The following GARS1 variants were observed in gnomAD, a reference collection of about 807,000 sequenced individuals.
GARS1 encodes the protein glycyl-tRNA synthetase 1, also known as glycine--tRNA ligase.
In GARS1, 46 loss-of-function variants were observed where a neutral mutation model predicts 86.4. That is an observed-to-expected ratio of 0.53 (90% confidence interval 0.42 to 0.68). GARS1 has a LOEUF of 0.68. Among genes scored for constraint, GARS1 ranks in the 30% least tolerant of loss-of-function variants. GARS1 has a pLI of 0.00. For missense variants in GARS1, 797 were observed against 915.6 expected, an observed-to-expected ratio of 0.87 and a Z score of 1.67; for synonymous variants, 342 against 329.8, an observed-to-expected ratio of 1.04 and a Z score of -0.40.
At chr7:30,622,031 A>G in intron 11 of GARS1, 1 of 442,732 alleles carries the variant, frequency 2.3e-6, no homozygotes, top group Non-Finnish European at 4.2e-6. Context: ...AGAAATACTT[A>G]TCAGAAGTTC....
chr7:30,604,394 A>C (rs1314583983), intron 6 of GARS1, among the ~76,000 whole-genome samples: 1 of 152,144 alleles, frequency 6.6e-6, no homozygotes, highest in Non-Finnish European at 1.5e-5. Flanking sequence ...AAAACAAAAA[A>C]CCAATACTGT....
chr7:30,620,302 C>A (rs1278709745), intron 10 of GARS1, among the ~76,000 whole-genome samples: 2 of 152,124 alleles, frequency 1.3e-5, no homozygotes, highest in African/African-American at 4.8e-5. Context: ...ACATTGATTT[C>A]TCACCGTTCT....
At chr7:30,610,573 G>A (rs1400382784) in intron 7 of GARS1, among the ~76,000 whole-genome samples, 2 of 152,218 alleles carry the variant, frequency 1.3e-5, no homozygotes, top group African/African-American at 2.4e-5. Flanking sequence ...TGAGACATCA[G>A]GTTGATTTGG....
intron 10 of GARS1, among the ~76,000 whole-genome samples, chr7:30,619,724 C>A (rs1386616076): frequency 6.6e-6 from 1 of 151,346 alleles, no homozygotes; most frequent in South Asian, 2.1e-4. Context: ...TTATTACAGA[C>A]ACCCCATGTG....
chr7:30,633,170 G>A (rs1783271862), intron 16 of GARS1, among the ~76,000 whole-genome samples: 1 of 152,226 alleles, frequency 6.6e-6, no homozygotes, highest in African/African-American at 2.4e-5. Context: ...CCATCTGGGT[G>A]TGGTTCTCAA....
At chr7:30,608,709 T>G (rs564220913) in intron 6 of GARS1, among the ~76,000 whole-genome samples, 2 of 152,320 alleles carry the variant, frequency 1.3e-5, no homozygotes, top group Admixed American at 6.5e-5. Flanking sequence ...TGCTAAATAC[T>G]TTACATGTTT....
At chr7:30,626,479 A>T (rs931142037) in intron 13 of GARS1, among the ~76,000 whole-genome samples, 160 bp downstream of exon 13, 2 of 152,194 alleles carry the variant, frequency 1.3e-5, no homozygotes, top group African/African-American at 4.8e-5. Context: ...CCTCCGAATT[A>T]GCTGGGACTA....
chr7:30,619,873 G>C (rs1409804772), intron 10 of GARS1, among the ~76,000 whole-genome samples: 2 of 150,626 alleles, frequency 1.3e-5, no homozygotes, highest in Non-Finnish European at 3.0e-5. Context: ...TGCCTCCTGG[G>C]TTCAAGCGAT....
At chr7:30,602,970 T>C in intron 4 of GARS1, 64 bp from the exon 5 acceptor site, 2 of 1,063,308 alleles carry the variant, frequency 1.9e-6, no homozygotes, top group Non-Finnish European at 2.9e-6. Flanking sequence ...AATTATCTTA[T>C]AAGGTAATAT....
intron 12 of GARS1, among the ~76,000 whole-genome samples, chr7:30,622,974 G>T (rs886328372): frequency 1.3e-5 from 2 of 151,868 alleles, no homozygotes; most frequent in Admixed American, 1.3e-4. Context: ...GGTGGCGGGC[G>T]CCTGTAGTCC....
In GARS1 at chr7:30,599,982, C is replaced by G; in HGVS notation, c.360C>G (p.Asp120Glu). The G allele has an allele frequency of 1.2e-6, 2 of 1,610,072 alleles. No homozygotes were observed. Among genetic ancestry groups the G allele is most frequent in the South Asian group, 1.1e-5 (1 of 91,034 alleles). The change falls in exon 3 of 17, where the codon GAC becomes GAG. Residue 120 changes from aspartate to glutamate, a missense_variant. Around this residue, in one of 2 missense-constraint regions of GARS1, gnomAD observed 199 missense variants for 176.9 expected, o/e 1.12. Transcript: ENST00000389266. ...TACAGCCCAAAGATGATATTGTAGA[C>G]CGAGCAAAAATGGAAGATACCCTGA... Reference protein sequence around the residue: ...LALQPKDDIVDRAKMEDTLKR... With the variant: ...LALQPKDDIVERAKMEDTLKR...
At chr7:30,628,973 G>C (rs1273519781) in intron 14 of GARS1, among the ~76,000 whole-genome samples, 1 of 152,160 alleles carries the variant, frequency 6.6e-6, no homozygotes, top group Non-Finnish European at 1.5e-5. Flanking sequence ...GTACTTTCTG[G>C]ATATGCTGTG....
In GARS1 at chr7:30,632,871, T is replaced by G. The variant is rs1783264568; in HGVS notation, c.2094+434T>G. On this transcript the variant is annotated intron_variant, in intron 16 of 16. Transcript: ENST00000389266. The surrounding 1 kb of genome is among the most constrained non-coding windows in gnomAD (Gnocchi z 4.1). ...ACAGTGAATCATGTTTCAGTAGTTT[T>G]GGTCAATAGGAAGGCAGTAATGGAG... Among the ~76,000 whole-genome samples the G allele has an allele frequency of 1.3e-5, 2 of 152,240 alleles. No homozygotes were observed. The highest frequency in any genetic ancestry group is 4.1e-4 in the South Asian group (2 of 4,830).
At chr7:30,605,936 G>C (rs1584028829) in intron 6 of GARS1, among the ~76,000 whole-genome samples, 1 of 152,092 alleles carries the variant, frequency 6.6e-6, no homozygotes, top group African/African-American at 2.4e-5. Flanking sequence ...CTTTGTGATA[G>C]GTTGATATGT....
intron 8 of GARS1, among the ~76,000 whole-genome samples, chr7:30,613,860 G>T (rs1211068032): frequency 3.3e-5 from 5 of 152,190 alleles, no homozygotes; most frequent in Admixed American, 2.6e-4. Flanking sequence ...CTTGATGGCA[G>T]AGTTCTCTGG....
Position 30,632,415 on chromosome 7 carries a change from CAA to C in GARS1, c.2073_2074del (p.Met692AlafsTer9), listed in dbSNP as rs1783255607. On this transcript the variant is annotated frameshift_variant, in exon 16 of 17. Transcript: ENST00000389266. LOFTEE classifies it high-confidence loss of function. This position sits in a 1 kb window ranked among gnomAD's most constrained non-coding sequence, Gnocchi z 4.1. ...ACTGCAACTCTGAGGGACCGTGACT[CAA>C]TGCGGCAGATAAGAGCAGAGGTATC... The C allele has an allele frequency of 1.9e-6, 3 of 1,614,048 alleles. No individual in the cohort carries two copies. Among genetic ancestry groups the C allele is most frequent in the African/African-American group, 1.3e-5 (1 of 74,930 alleles).
intron 7 of GARS1, among the ~76,000 whole-genome samples, chr7:30,611,447 A>AT (rs1791595980): frequency 6.6e-6 from 1 of 152,202 alleles, no homozygotes; most frequent in Non-Finnish European, 1.5e-5. Context: ...CTTAGAAGAC[A>AT]TCAGGGGTTT....
chr7:30,631,451 T>G lies in GARS1; in HGVS notation c.1813T>G (p.Phe605Val). ...TTTTTCTTTTTAAATCATCCAGTTC[T>G]TCAGTTTCCCTGCTGTAGTTGCTCC... ...VREGDEQRTF[F>V]SFPAVVAPFK... The change falls in exon 15 of 17, where the codon TTC becomes GTC. Residue 605 changes from phenylalanine (F) to valine (V), a missense_variant. Coordinates refer to ENST00000389266, the MANE Select transcript of GARS1 (RefSeq NM_002047.4). 6.2e-7 allele frequency: 1 copy of G among 1,612,332 alleles called. No homozygotes were observed. The highest frequency in any genetic ancestry group is 2.2e-5 in the East Asian group (1 of 44,830).
intron 1 of GARS1, among the ~76,000 whole-genome samples, chr7:30,598,579 G>A (rs911141795): frequency 6.6e-6 from 1 of 151,944 alleles, no homozygotes. Context: ...AGTAGCGATG[G>A]TGTATCACCA....
Sources: allele counts gnomAD v4.1 joint callset (sites outside exome capture counted in the v4.1 genomes callset), GRCh38; gene constraint gnomAD v4.1.1; regional missense constraint gnomAD v4.1.1; non-coding constraint Gnocchi (gnomAD v3.1); transcripts MANE v1.5; gene names NCBI Gene and HGNC (gene_info 2026-07-23, HGNC 2026-07-21).